Variants in RIC8A observed in about 807,000 individuals in gnomAD.
RIC8A encodes the protein RIC8 guanine nucleotide exchange factor A, also known as chaperone Ric-8A.
A neutral mutation model predicts 48.4 loss-of-function variants in RIC8A; 37 were observed. That is an observed-to-expected ratio of 0.77 (90% CI 0.59 to 1.01). The LOEUF is 1.01. Ranked by LOEUF, RIC8A falls within the 50% of genes least tolerant of loss-of-function variation. RIC8A has a pLI of 0.00. For synonymous variants in RIC8A, 288 were observed against 283.4 expected, an observed-to-expected ratio of 1.02 and a Z score of -0.16; for missense variants, 681 against 696.8, an observed-to-expected ratio of 0.98 and a Z score of 0.25.
At position 207,933 on chromosome 11, in the gene RIC8A, C is replaced by T. The variant is rs1482262729; in HGVS notation, c.-922C>T. 1 of 152,628 alleles carries T rather than the reference C, an allele frequency of 6.6e-6. No homozygotes were observed. Among genetic ancestry groups the T allele is most frequent in the Non-Finnish European group, 1.5e-5 (1 of 68,122 alleles). 9.5% of individuals were successfully genotyped at this position (152,628 alleles called of 1,614,324 possible). ...CCGCGTCGAATACAGCCGTACAGAACGCACTACAGGAAAGTGAAGCCGGGA... is the reference window on the plus strand; with the variant it reads ...CCGCGTCGAATACAGCCGTACAGAATGCACTACAGGAAAGTGAAGCCGGGA... On this transcript the variant is annotated 5_prime_UTR_variant, in exon 1 of 10. In the 5' UTR this introduces an upstream ATG that the reference lacks. Transcript: ENST00000526104.
At chr11:213,009 C>T (rs768710602) in intron 8 of RIC8A, 28 bp downstream of exon 8, 1 of 1,529,444 alleles carries the variant, frequency 6.5e-7, no homozygotes, top group Non-Finnish European at 8.8e-7. Context: ...ACCCTCGGGT[C>T]TCCACTCACA....
At chr11:213,493 AG>A in intron 9 of RIC8A, 75 bp downstream of exon 9, 1 of 1,538,904 alleles carries the variant, frequency 6.5e-7, no homozygotes, top group Non-Finnish European at 8.8e-7. Context: ...TGTGAGCCCC[AG>A]GAGGTAGGAT....
At position 214,267 on chromosome 11, in the gene RIC8A, G is replaced by C; in HGVS notation, c.1513G>C (p.Gly505Arg). Residue 505 changes from glycine (G) to arginine (R), a missense_variant, in exon 10 of 10, where the codon GGT becomes CGT. Gly to Arg is a moderately radical substitution (Grantham distance 125). Coordinates refer to ENST00000526104, the MANE Select transcript of RIC8A (RefSeq NM_001286134.2). ...CCAGCCAATGGGGATGAGTCCCCGG[G>C]GTCATCTTACGTCCCTGCAGGATGC... ...VIQPMGMSPR[G>R]HLTSLQDAMC... 6.2e-7 allele frequency: 1 copy of C among 1,613,864 alleles called. No homozygotes were observed. Among genetic ancestry groups the C allele is most frequent in the East Asian group, 2.2e-5 (1 of 44,880 alleles).
At position 214,498 on chromosome 11, in the gene RIC8A, T is replaced by TGTTCATGATTTGCCTCTGGTCCA. The variant is rs1194680355; in HGVS notation, c.*152_*174dup. 1.0e-6 allele frequency: 1 copy of TGTTCATGATTTGCCTCTGGTCCA among 968,952 alleles called. No individual in the cohort carries two copies. The highest frequency in any genetic ancestry group is 2.0e-5 in the Admixed American group (1 of 50,212). The allele number at this position is 968,952 out of a possible 1,614,324, so 60.0% of individuals were successfully genotyped here. A position where few individuals can be genotyped will look rare whatever the true frequency, so the allele number is the denominator to read the frequency against. On this transcript the variant is annotated 3_prime_UTR_variant, in exon 10 of 10. Coordinates refer to ENST00000526104, the MANE Select transcript of RIC8A (RefSeq NM_001286134.2). Reference sequence around the variant, plus strand: ...AAACCCCTTCTCTTGACTCCCGTTCTGTTCATGATTTGCCTCTGGTCCAGT... The same window carrying TGTTCATGATTTGCCTCTGGTCCA: ...AAACCCCTTCTCTTGACTCCCGTTCTGTTCATGATTTGCCTCTGGTCCAGTTCATGATTTGCCTCTGGTCCAGT...
In RIC8A at chr11:214,738, A is replaced by G. The variant is rs1379550119; in HGVS notation, c.*388A>G. The stretch of plus-strand genomic sequence containing the variant: ...AAAGCAAGCACCATCTGGGATTGGC[A>G]CACTGGCAGAGCCAGTGTGTTGGGG... On this transcript the variant is annotated 3_prime_UTR_variant, in exon 10 of 10. Coordinates refer to ENST00000526104, the MANE Select transcript of RIC8A (RefSeq NM_001286134.2). 2.8e-6 allele frequency: 1 copy of G among 361,852 alleles called. No individual in the cohort carries two copies. Among genetic ancestry groups the G allele is most frequent in the African/African-American group, 2.1e-5 (1 of 47,056 alleles). 22.4% of individuals were successfully genotyped at this position (361,852 alleles called of 1,614,324 possible).
At chr11:210,477 C>T in intron 3 of RIC8A, 94 bp from the exon 4 acceptor site, 1 of 1,170,348 alleles carries the variant, frequency 8.5e-7, no homozygotes, top group Non-Finnish European at 1.3e-6. Flanking sequence ...CAGTCATTGC[C>T]ACACAGTCCT....
intron 1 of RIC8A, 154 bp downstream of exon 1, chr11:209,092 C>T (rs1855273641): frequency 3.9e-6 from 4 of 1,020,274 alleles, no homozygotes; most frequent in Admixed American, 1.7e-5. Context: ...TGCAGTGTTG[C>T]GGGGAGAGTG....
chr11:213,359 AGAG>A lies in RIC8A; in HGVS notation c.1420_1422del (p.Glu474del). ...CGCCTAACCCTATGGAGGGCATGACAGAGGAGCAGAAGGAGCACGAGGCCATGA... is the reference window on the plus strand; with the variant it reads ...CGCCTAACCCTATGGAGGGCATGACAGAGCAGAAGGAGCACGAGGCCATGA... On this transcript the variant is annotated inframe_deletion, in exon 9 of 10. Transcript: ENST00000526104. The A allele has an allele frequency of 1.2e-6, 2 of 1,612,900 alleles. No homozygotes were observed. The highest frequency in any genetic ancestry group is 1.7e-6 in the Non-Finnish European group (2 of 1,179,468).
rs1855416821 is a variant in RIC8A, at chr11:213,272, CCCCACATTCCA to C, written c.1356-21_1356-11del. On this transcript the variant is annotated splice_polypyrimidine_tract_variant and intron_variant, in intron 8 of 9. Coordinates refer to ENST00000526104, the MANE Select transcript of RIC8A (RefSeq NM_001286134.2). ...TGTCCTGGAGAGTCACTAATGCATT[CCCCACATTCCA>C]CCCACTGGGAAACAGCATAAACCCT... 6.2e-7 allele frequency: 1 copy of C among 1,613,334 alleles called. No individual in the cohort carries two copies. Among genetic ancestry groups the C allele is most frequent in the South Asian group, 1.1e-5 (1 of 90,960 alleles).
chr11:212,084 G>A (rs372243259), intron 5 of RIC8A: 11 of 319,304 alleles, frequency 3.4e-5, no homozygotes, highest in African/African-American at 6.4e-5. Flanking sequence ...ATGTGTGTGC[G>A]AGTCTAAAGC....
intron 4 of RIC8A, chr11:210,940 G>C (rs893277326): frequency 3.3e-6 from 2 of 607,122 alleles, no homozygotes; most frequent in African/African-American, 3.7e-5. Context: ...TGGGTTTCCA[G>C]AGATGGTCTG....
chr11:213,527 G>A, intron 9 of RIC8A, 109 bp downstream of exon 9: 2 of 1,443,542 alleles, frequency 1.4e-6, no homozygotes, highest in Non-Finnish European at 1.9e-6. Flanking sequence ...TAGGATCCTG[G>A]TATTAGGTTG....
rs771831680 is a variant in RIC8A at position 212,646 on chromosome 11, G to A, written c.1097G>A (p.Arg366Gln). 64 of 1,613,952 alleles carry A rather than the reference G, an allele frequency of 4.0e-5. 1 individual carries two copies. Among genetic ancestry groups the A allele is most frequent in the Admixed American group, 6.7e-5 (4 of 59,992 alleles). The change falls in exon 7 of 10, where the codon CGG becomes CAG. Residue 366 changes from arginine (R) to glutamine (Q), a missense_variant. Coordinates refer to ENST00000526104, the MANE Select transcript of RIC8A (RefSeq NM_001286134.2). ...VLPPLRDVRTRPEVGEMLRNK... is the reference protein window; with the variant it reads ...VLPPLRDVRTQPEVGEMLRNK... ...CCCCCTCTGCGGGATGTGAGGACAC[G>A]GCCTGAGGTTGGGGAGATGCTGCGG...
At chr11:210,095 C>T in intron 3 of RIC8A, 95 bp downstream of exon 3, 1 of 1,120,746 alleles carries the variant, frequency 8.9e-7, no homozygotes. Context: ...TTCTGGGTGT[C>T]AGACATGGAG....
Position 209,704 on chromosome 11 carries a change from C to T in RIC8A, c.430C>T (p.Leu144Phe), listed in dbSNP as rs375812325. 6.2e-7 allele frequency: 1 copy of T among 1,614,002 alleles called. No homozygotes were observed. The highest frequency in any genetic ancestry group is 1.3e-5 in the African/African-American group (1 of 75,072). Residue 144 changes from leucine to phenylalanine, a missense_variant, in exon 3 of 10, where the codon CTC becomes TTC. Physicochemically the swap from Leu to Phe is conservative, Grantham distance 22. Transcript: ENST00000526104. Reference sequence around the variant, plus strand: ...AGCAGAGGCCCGCCTAGTGGTGAAGCTCACAGAGCGTGTGGGGCTGTACCG... The same window carrying T: ...AGCAGAGGCCCGCCTAGTGGTGAAGTTCACAGAGCGTGTGGGGCTGTACCG... ...LAAEARLVVK[L>F]TERVGLYRER...
At chr11:214,138 G>T in intron 9 of RIC8A, 92 bp from the exon 10 acceptor site, 2 of 1,438,032 alleles carry the variant, frequency 1.4e-6, no homozygotes, top group Non-Finnish European at 1.9e-6. Context: ...CAGCCTACTT[G>T]GTAGAGAGGA....
In RIC8A at chr11:209,550, A is replaced by AGT; in HGVS notation, c.277_278insTG (p.Ala93ValfsTer49). On this transcript the variant is annotated frameshift_variant, in exon 3 of 10. Transcript: ENST00000526104. LOFTEE classifies it high-confidence loss of function. ...CCAGCCGCCAGAGCCTGCAGGCACT[A>AGT]GCCTGCTATGCTGACATCTCTGTCT... 6.2e-7 allele frequency: 1 copy of AGT among 1,614,104 alleles called. No homozygotes were observed. Among genetic ancestry groups the AGT allele is most frequent in the East Asian group, 2.2e-5 (1 of 44,892 alleles).
chr11:210,685 G>C (rs1855336057), intron 4 of RIC8A, 23 bp downstream of exon 4: 1 of 1,608,908 alleles, frequency 6.2e-7, no homozygotes. Context: ...CTTTTTCTGG[G>C]AGGGAAGTGT....
chr11:209,630 A>G lies in RIC8A; in HGVS notation c.356A>G (p.Lys119Arg), dbSNP rs1855294535. The G allele has an allele frequency of 3.1e-6, 5 of 1,613,904 alleles. No homozygotes were observed. The highest frequency in any genetic ancestry group is 1.1e-5 in the South Asian group (1 of 91,086). The change falls in exon 3 of 10, where the codon AAG (lysine) becomes AGG (arginine). Residue 119 changes from lysine to arginine, a missense_variant. By Grantham distance (26) the Lys-to-Arg change is conservative. Transcript: ENST00000526104. ...ATGGATGTTGTACTGGAGTCCCTCA[A>G]GTGCCTGTGCAACCTCGTGCTCAGC... ...ADMDVVLESL[K>R]CLCNLVLSSP...
Sources: allele counts gnomAD v4.1 joint callset, GRCh38; gene constraint gnomAD v4.1.1; transcripts MANE v1.5; gene names NCBI Gene and HGNC (gene_info 2026-07-23, HGNC 2026-07-21).